RAB38: variants seen among roughly 807,000 people sequenced by gnomAD.
RAB38 encodes RAB38, member RAS oncogene family, also known as ras-related protein Rab-38.
A neutral mutation model predicts 18.4 loss-of-function variants in RAB38; 15 were observed. That is an observed-to-expected ratio of 0.82 (90% CI 0.55 to 1.26). RAB38 has a LOEUF of 1.26. Among genes scored for constraint, RAB38 ranks in the 50% most tolerant of loss-of-function variants. The pLI is 0.00. For synonymous variants in RAB38, 101 were observed against 104.4 expected (o/e 0.97, Z 0.20); for missense variants, 294 against 267.4 (o/e 1.10, Z -0.69).
the RAB38 span, among the ~76,000 whole-genome samples, chr11:87,927,166 AGTATAAATAGACTT>A: frequency 6.6e-6 from 1 of 152,200 alleles, no homozygotes; most frequent in East Asian, 1.9e-4. Flanking sequence ...TCTACTTGTC[AGTATAAATAGACTT>A]GCAGTGTTTT....
chr11:87,928,779 A>C, the RAB38 span, among the ~76,000 whole-genome samples: 11 of 152,180 alleles, frequency 7.2e-5, no homozygotes, highest in Middle Eastern at 3.4e-3. Context: ...AAGAATAAGT[A>C]ACACTAAATC....
chr11:87,872,705 T>C, the RAB38 span, among the ~76,000 whole-genome samples: 1 of 151,614 alleles, frequency 6.6e-6, no homozygotes, highest in Admixed American at 6.6e-5. Flanking sequence ...TTTTACTTAA[T>C]AGTATTTAGC....
chr11:87,947,537 C>A, the RAB38 span, among the ~76,000 whole-genome samples: 47 of 152,200 alleles, frequency 3.1e-4, no homozygotes, highest in African/African-American at 1.1e-3. Context: ...ACATTTAAGT[C>A]TTTAATCCAT....
At chr11:87,893,390 A>ATATATATATATATATTTTTTTTT in the RAB38 span, among the ~76,000 whole-genome samples, 2 of 93,916 alleles carry the variant, frequency 2.1e-5, no homozygotes, top group South Asian at 4.0e-4. Flanking sequence ...ATATATATAT[A>ATATATATATATATATTTTTTTTT]TTTTTTTTTT....
At chr11:88,162,914 C>G (rs570807126) in intron 1 of RAB38, among the ~76,000 whole-genome samples, 1 of 152,090 alleles carries the variant, frequency 6.6e-6, no homozygotes, top group Non-Finnish European at 1.5e-5. Context: ...CACTGAAAGA[C>G]GTCCTCTCCA....
At chr11:87,950,715 C>G in the RAB38 span, among the ~76,000 whole-genome samples, 1 of 152,164 alleles carries the variant, frequency 6.6e-6, no homozygotes, top group African/African-American at 2.4e-5. Flanking sequence ...ATATTGGCCC[C>G]CACTCTCTTC....
the RAB38 span, among the ~76,000 whole-genome samples, chr11:87,916,468 G>A: frequency 1.3e-5 from 2 of 152,092 alleles, no homozygotes; most frequent in East Asian, 3.9e-4. Flanking sequence ...TAAAGTGAGG[G>A]TGCCCCTTAA....
At chr11:88,145,556 T>C (rs1942974668) in intron 2 of RAB38, among the ~76,000 whole-genome samples, 1 of 152,086 alleles carries the variant, frequency 6.6e-6, no homozygotes, top group African/African-American at 2.4e-5. Flanking sequence ...GCACCAAGAA[T>C]GTACCAGGTA....
chr11:88,170,321 G>A (rs1943295604), intron 1 of RAB38, among the ~76,000 whole-genome samples: 1 of 152,146 alleles, frequency 6.6e-6, no homozygotes, highest in African/African-American at 2.4e-5. Context: ...ATGCATTTTG[G>A]GGGGTTTTAT....
chr11:87,922,198 T>C, the RAB38 span, among the ~76,000 whole-genome samples: 2 of 151,972 alleles, frequency 1.3e-5, no homozygotes, highest in Admixed American at 6.6e-5. Flanking sequence ...ATGGTAATTA[T>C]ATTGCATTAG....
chr11:87,952,981 ATAAAACATT>A, the RAB38 span, among the ~76,000 whole-genome samples: 101 of 152,218 alleles, frequency 6.6e-4, no homozygotes, highest in African/African-American at 2.2e-3. Flanking sequence ...ACATTTAAAC[ATAAAACATT>A]TAAAACATTA....
the RAB38 span, among the ~76,000 whole-genome samples, chr11:88,045,329 A>G: frequency 1.3e-5 from 2 of 152,318 alleles, no homozygotes; most frequent in South Asian, 4.1e-4. Flanking sequence ...AAGTAGCAAC[A>G]TATTTCTGAG....
the RAB38 span, among the ~76,000 whole-genome samples, chr11:87,933,041 A>G: frequency 6.6e-6 from 1 of 152,110 alleles, no homozygotes; most frequent in Admixed American, 6.6e-5. Context: ...TCTGTTATGC[A>G]CCACCCACAA....
the RAB38 span, among the ~76,000 whole-genome samples, chr11:87,966,979 G>A: frequency 6.6e-6 from 1 of 152,198 alleles, no homozygotes. Context: ...AAGCCTGCCT[G>A]GCTTCAGCTA....
chr11:87,875,899 C>G, the RAB38 span, among the ~76,000 whole-genome samples: 1 of 151,566 alleles, frequency 6.6e-6, no homozygotes, highest in East Asian at 2.0e-4. Flanking sequence ...TATCTACAAT[C>G]CTGTTATTTG....
At chr11:87,941,214 GATATATATATATATAT>G in the RAB38 span, among the ~76,000 whole-genome samples, 56 of 62,552 alleles carry the variant, frequency 9.0e-4, 2 homozygotes, top group Admixed American at 2.1e-3. Flanking sequence ...AAATATATGA[GATATATATATATATAT>G]ATATATATAT....
chr11:88,030,197 T>C, the RAB38 span, among the ~76,000 whole-genome samples: 4 of 152,008 alleles, frequency 2.6e-5, no homozygotes, highest in African/African-American at 7.2e-5. Flanking sequence ...AAAGACACAA[T>C]GTACCAAAAT....
chr11:88,174,817 G>C (rs2134864799), intron 1 of RAB38, among the ~76,000 whole-genome samples: 1 of 152,326 alleles, frequency 6.6e-6, no homozygotes, highest in South Asian at 2.1e-4. Flanking sequence ...CTGCACGGAA[G>C]GACGTGCGTG....
chr11:88,144,522 G>A (rs191919503), intron 2 of RAB38, among the ~76,000 whole-genome samples: 380 of 152,270 alleles, frequency 2.5e-3, no homozygotes, highest in African/African-American at 8.1e-3. Flanking sequence ...TGAAACATCC[G>A]TTCCTCTCCC....
Sources: gnomAD v4.1 joint callset for allele counts (sites outside exome capture counted in the v4.1 genomes callset) on GRCh38, gnomAD v4.1.1 for gene constraint, MANE v1.5 for transcripts, NCBI Gene and HGNC (gene_info 2026-07-23, HGNC 2026-07-21) for gene names.